KDM2A: variants seen among roughly 807,000 people sequenced by gnomAD.
KDM2A encodes lysine-specific demethylase 2A.
In KDM2A, 3 loss-of-function variants were observed where a neutral mutation model predicts 137.3. The observed-to-expected ratio is 0.02, with a 90% CI of 0.01 to 0.06. KDM2A has a LOEUF of 0.06. Ranked by LOEUF, KDM2A falls within the 10% of genes least tolerant of loss-of-function variation. The probability of loss-of-function intolerance (pLI) is 1.00; values close to 1 mark genes in which losing one functional copy is unlikely to be tolerated. For synonymous variants in KDM2A, 512 were observed against 541.5 expected, an observed-to-expected ratio of 0.95 and a Z score of 0.76; for missense variants, 738 against 1,510.6, an observed-to-expected ratio of 0.49 and a Z score of 8.48.
intron 12 of KDM2A, chr11:67,240,025 G>T: frequency 7.7e-7 from 1 of 1,299,426 alleles, no homozygotes; most frequent in Non-Finnish European, 9.8e-7. Flanking sequence ...CTCTCGCTCG[G>T]CTCCCCCTCC....
intron 13 of KDM2A, among the ~76,000 whole-genome samples, chr11:67,244,661 A>G (rs1020741101): frequency 3.3e-5 from 5 of 152,118 alleles, no homozygotes; most frequent in African/African-American, 4.8e-5. Flanking sequence ...ACAGTCAACA[A>G]TTTCTCAGTT....
Position 67,215,674 on chromosome 11 carries a change from GA to G in KDM2A, c.594-170del, listed in dbSNP as rs371377962. 4,111 of 513,666 alleles carry G rather than the reference GA, an allele frequency of 8.0e-3. 2 individuals carry two copies. The highest frequency in any genetic ancestry group is 0.01 in the Middle Eastern group (27 of 2,598). The allele number at this position is 513,666 out of a possible 1,614,324, so 31.8% of individuals were successfully genotyped here. A position where few individuals can be genotyped will look rare whatever the true frequency, so the allele number is the denominator to read the frequency against. Reference sequence around the variant, plus strand: ...AACTTACATTTTAGTCAATACGGTAGAAAAAAAAAAAACCTTTTTCTGATAA... The same window carrying G: ...AACTTACATTTTAGTCAATACGGTAGAAAAAAAAAAACCTTTTTCTGATAA... On this transcript the variant is annotated intron_variant, in intron 7 of 20. Coordinates refer to ENST00000529006, the MANE Select transcript of KDM2A (RefSeq NM_012308.3).
intron 2 of KDM2A, among the ~76,000 whole-genome samples, chr11:67,169,715 TTCTCTCTCTCTCTCTCCTTC>T (rs1371255718): frequency 7.3e-6 from 1 of 136,936 alleles, no homozygotes; most frequent in Non-Finnish European, 1.6e-5. Context: ...TTCTTTTTTC[TTCTCTCTCTCTCTCTCCTTC>T]TCTCTCTCTC....
At chr11:67,188,864 A>T (rs1247909863) in intron 5 of KDM2A, among the ~76,000 whole-genome samples, 1 of 152,102 alleles carries the variant, frequency 6.6e-6, no homozygotes, top group South Asian at 2.1e-4. Context: ...TAGCAAGAAG[A>T]TATAACAATT....
At chr11:67,211,163 C>T (rs935988350) in intron 6 of KDM2A, among the ~76,000 whole-genome samples, 1 of 152,092 alleles carries the variant, frequency 6.6e-6, no homozygotes, top group Non-Finnish European at 1.5e-5. Context: ...CTTCATTTAT[C>T]TAGGTTTTTT....
At position 67,215,457 on chromosome 11, in the gene KDM2A, C is replaced by T. The variant is rs768421005; in HGVS notation, c.593+11C>T. ...CCCTAAAGTGCAGAAGTAAGTGATG[C>T]GCCCTGCATCTTCCTCCGTGTGCTG... On this transcript the variant is annotated intron_variant, in intron 7 of 20. Coordinates refer to ENST00000529006, the MANE Select transcript of KDM2A (RefSeq NM_012308.3). 35 of 1,544,156 alleles carry T rather than the reference C, an allele frequency of 2.3e-5. No individual in the cohort carries two copies. Among genetic ancestry groups the T allele is most frequent in the Non-Finnish European group, 2.8e-5 (31 of 1,117,800 alleles).
At chr11:67,135,652 C>T (rs913416709) in intron 2 of KDM2A, among the ~76,000 whole-genome samples, 1 of 152,238 alleles carries the variant, frequency 6.6e-6, no homozygotes, top group Non-Finnish European at 1.5e-5. Flanking sequence ...ATGTAGTGAT[C>T]GTTTTATAGT....
intron 5 of KDM2A, among the ~76,000 whole-genome samples, chr11:67,186,147 G>T (rs1857201005): frequency 6.6e-6 from 1 of 151,924 alleles, no homozygotes; most frequent in Non-Finnish European, 1.5e-5. Flanking sequence ...CATCCAAACA[G>T]CTCAATGAAC....
intron 2 of KDM2A, among the ~76,000 whole-genome samples, chr11:67,126,063 A>G (rs993629846): frequency 3.4e-5 from 5 of 149,152 alleles, no homozygotes; most frequent in Admixed American, 1.3e-4. Flanking sequence ...CTGACACAAC[A>G]TGGAGAAACC....
chr11:67,233,156 AT>A (rs1179991374), intron 12 of KDM2A, among the ~76,000 whole-genome samples: 3 of 152,144 alleles, frequency 2.0e-5, no homozygotes, highest in Non-Finnish European at 4.4e-5. Context: ...TAGAAAGCTA[AT>A]CTACAAGTTG....
At chr11:67,236,227 T>C (rs1590815338) in intron 12 of KDM2A, among the ~76,000 whole-genome samples, 1 of 152,078 alleles carries the variant, frequency 6.6e-6, no homozygotes, top group East Asian at 1.9e-4. Flanking sequence ...GCCTGTCGGG[T>C]TCAAGTGATT....
intron 11 of KDM2A, among the ~76,000 whole-genome samples, chr11:67,230,202 G>T (rs1858668709): frequency 6.6e-6 from 1 of 150,916 alleles, no homozygotes; most frequent in South Asian, 2.1e-4. Flanking sequence ...ACATCTAATA[G>T]AGCTAGGCAC....
chr11:67,145,977 T>G (rs1416342361), intron 2 of KDM2A, among the ~76,000 whole-genome samples: 1 of 150,840 alleles, frequency 6.6e-6, no homozygotes, highest in Admixed American at 6.6e-5. Flanking sequence ...GTTCTTCCCG[T>G]TTTTTGTTTT....
chr11:67,241,540 T>A (rs189795043), intron 12 of KDM2A, among the ~76,000 whole-genome samples: 37 of 152,118 alleles, frequency 2.4e-4, no homozygotes, highest in Admixed American at 2.0e-4. Flanking sequence ...CACAGGATTA[T>A]GAGAAAAATT....
chr11:67,157,169 C>T (rs927518004), intron 2 of KDM2A, among the ~76,000 whole-genome samples: 41 of 149,080 alleles, frequency 2.8e-4, no homozygotes, highest in East Asian at 8.3e-4. Flanking sequence ...AAAAATTAGC[C>T]GGGTGTGGTG....
intron 2 of KDM2A, among the ~76,000 whole-genome samples, chr11:67,169,002 C>G (rs1452020997): frequency 8.0e-6 from 1 of 125,086 alleles, no homozygotes; most frequent in African/African-American, 3.1e-5. Context: ...GTCGCACAGG[C>G]TGGAGTGTAG....
chr11:67,223,380 TTTTC>T (rs1312659657), intron 10 of KDM2A, among the ~76,000 whole-genome samples: 2 of 145,954 alleles, frequency 1.4e-5, no homozygotes, highest in African/African-American at 5.5e-5. Context: ...TTTCTTCCTT[TTTTC>T]TTTCTTATTT....
At position 67,120,676 on chromosome 11, in the gene KDM2A, T is replaced by C. The variant is rs576836097; in HGVS notation, c.-83-558T>C. 3.6e-3 allele frequency among the ~76,000 whole-genome samples: 542 copies of C among 152,262 alleles called. 1 individual carries two copies. Among genetic ancestry groups the C allele is most frequent in the Non-Finnish European group, 5.3e-3 (358 of 68,022 alleles). The stretch of plus-strand genomic sequence containing the variant: ...GGGTGGAGGGTAGATTTGGGAATGA[T>C]AAGATCCGGGGAGTCTAGAAAGGAA... On this transcript the variant is annotated intron_variant, in intron 1 of 20. Transcript: ENST00000529006.
intron 2 of KDM2A, among the ~76,000 whole-genome samples, chr11:67,139,776 C>T (rs1322695189): frequency 1.3e-5 from 2 of 152,066 alleles, no homozygotes; most frequent in Non-Finnish European, 2.9e-5. Context: ...CTGGCACGAT[C>T]TTGGCTCACT....
Sources: allele counts gnomAD v4.1 joint callset (sites outside exome capture counted in the v4.1 genomes callset), GRCh38; gene constraint gnomAD v4.1.1; transcripts MANE v1.5; gene names NCBI Gene and HGNC (gene_info 2026-07-23, HGNC 2026-07-21).